Variants in CLASP2 observed in about 807,000 individuals in gnomAD.
CLASP2 encodes the protein cytoplasmic linker associated protein 2.
A neutral mutation model predicts 194.4 loss-of-function variants in CLASP2; 47 were observed. That is an observed-to-expected ratio of 0.24 (90% CI 0.19 to 0.31). The LOEUF (loss-of-function observed/expected upper bound fraction) is 0.31. Among genes scored for constraint, CLASP2 ranks in the 10% least tolerant of loss-of-function variants. The probability of loss-of-function intolerance (pLI) is 1.00; values close to 1 mark genes in which losing one functional copy is unlikely to be tolerated. For synonymous variants in CLASP2, 619 were observed against 633.5 expected (o/e 0.98, Z 0.34); for missense variants, 1,445 against 1,823.6 (o/e 0.79, Z 3.78).
rs776469505 is a variant in CLASP2 at position 33,581,916 on chromosome 3, C to T, written c.2252G>A (p.Arg751His). 1.4e-5 allele frequency: 23 copies of T among 1,612,530 alleles called. No homozygotes were observed. Among genetic ancestry groups the T allele is most frequent in the African/African-American group, 5.3e-5 (4 of 74,904 alleles). ...TTGACTCACACTTGGTCGAGGAATA[C>T]GACTGCTTCGGGCTGGTGTGAAGCA... ...PSRLSVARSS[R>H]IPRPSVSQGC... Residue 751 changes from arginine to histidine, a missense_variant, in exon 23 of 39, where the codon CGT becomes CAT. Coordinates refer to ENST00000682230, the MANE Select transcript of CLASP2 (RefSeq NM_001365631.1).
chr3:33,539,410 C>T (rs2057948129), intron 32 of CLASP2, among the ~76,000 whole-genome samples: 2 of 152,158 alleles, frequency 1.3e-5, no homozygotes, highest in Non-Finnish European at 2.9e-5. Flanking sequence ...TCTCAGCTCA[C>T]TGCAACCTCT....
chr3:33,612,202 A>C (rs1273397126), intron 12 of CLASP2, 131 bp from the exon 13 acceptor site: 1 of 625,168 alleles, frequency 1.6e-6, no homozygotes, highest in East Asian at 2.7e-5. Context: ...GATTTGAAAG[A>C]AATTAAGACC....
At chr3:33,647,694 C>G (rs988972429) in intron 7 of CLASP2, among the ~76,000 whole-genome samples, 1 of 152,174 alleles carries the variant, frequency 6.6e-6, no homozygotes, top group Non-Finnish European at 1.5e-5. Context: ...TGGTTTTGAT[C>G]CGCAAGCAAC....
At chr3:33,636,999 T>C (rs1431013853) in intron 8 of CLASP2, among the ~76,000 whole-genome samples, 1 of 152,184 alleles carries the variant, frequency 6.6e-6, no homozygotes, top group Non-Finnish European at 1.5e-5. Context: ...TTTTAAAAGC[T>C]ATAAAAAATA....
intron 23 of CLASP2, among the ~76,000 whole-genome samples, chr3:33,580,756 C>T (rs2154209321): frequency 6.6e-6 from 1 of 152,174 alleles, no homozygotes; most frequent in South Asian, 2.1e-4. Context: ...TGGCTCACGC[C>T]TGTAAACCCA....
At chr3:33,615,109 A>G (rs1214487851) in intron 12 of CLASP2, among the ~76,000 whole-genome samples, 1 of 152,190 alleles carries the variant, frequency 6.6e-6, no homozygotes, top group Non-Finnish European at 1.5e-5. Flanking sequence ...ATATATATGA[A>G]AAGTGAGAAA....
rs938089501 is a variant in CLASP2 at position 33,573,260 on chromosome 3, T to C, written c.2549A>G (p.Tyr850Cys). The C allele has an allele frequency of 1.4e-5, 23 of 1,613,844 alleles. No homozygotes were observed. Among genetic ancestry groups the C allele is most frequent in the African/African-American group, 6.7e-5 (5 of 74,928 alleles). ...DASSACSERS[Y>C]SSRNGSIPTY... ...AGGAATACTACCATTTCGAGAACTATAGGAGCGTTCTGAACAAGCACTAGA... is the reference window on the plus strand; with the variant it reads ...AGGAATACTACCATTTCGAGAACTACAGGAGCGTTCTGAACAAGCACTAGA... The change falls in exon 25 of 39, where the codon TAT (tyrosine) becomes TGT (cysteine). Residue 850 changes from tyrosine (Y) to cysteine (C), a missense_variant. Transcript: ENST00000682230.
chr3:33,507,260 CTT>C (rs1294993480), intron 37 of CLASP2, among the ~76,000 whole-genome samples: 2 of 152,006 alleles, frequency 1.3e-5, no homozygotes, highest in Non-Finnish European at 2.9e-5. Flanking sequence ...TCTTGAGACT[CTT>C]TAACAGTTGA....
chr3:33,570,328 T>A (rs2063504920), intron 26 of CLASP2, among the ~76,000 whole-genome samples: 1 of 152,202 alleles, frequency 6.6e-6, no homozygotes, highest in African/African-American at 2.4e-5. Context: ...TCTACAAAAT[T>A]ATTATTTCAA....
In CLASP2 at chr3:33,717,716, G is replaced by T. The variant is rs541484363; in HGVS notation, c.195+92C>A. 87 of 1,380,728 alleles carry T rather than the reference G, an allele frequency of 6.3e-5. No homozygotes were observed. The African/African-American group carries it at 8.7e-4, about 14-fold the overall frequency. The allele number at this position is 1,380,728 out of a possible 1,614,324, so 85.5% of individuals were successfully genotyped here. A position where few individuals can be genotyped will look rare whatever the true frequency, so the allele number is the denominator to read the frequency against. ...TGTTTCCCCTCTTAAGCAGTGGTTC[G>T]GACGGGAGCTTTCCCGGCCCGGCGC... is the stretch of plus-strand genomic sequence containing the variant. On this transcript the variant is annotated intron_variant, in intron 1 of 38. Transcript: ENST00000682230.
intron 6 of CLASP2, among the ~76,000 whole-genome samples, chr3:33,672,772 G>A (rs2087611560): frequency 6.6e-6 from 1 of 152,238 alleles, no homozygotes. Context: ...TGAAAGCCCA[G>A]GCTCGAGAAC....
intron 27 of CLASP2, among the ~76,000 whole-genome samples, chr3:33,564,885 G>A (rs1025099647): frequency 6.6e-6 from 1 of 151,848 alleles, no homozygotes; most frequent in Non-Finnish European, 1.5e-5. Flanking sequence ...CCATGTGCCT[G>A]GCCTGTACTA....
At chr3:33,614,394 G>A (rs767027301) in intron 12 of CLASP2, among the ~76,000 whole-genome samples, 62 of 152,248 alleles carry the variant, frequency 4.1e-4, no homozygotes, top group Admixed American at 1.2e-3. Context: ...GAAAAGATCT[G>A]AGCCAATAAG....
intron 31 of CLASP2, 117 bp from the exon 32 acceptor site, chr3:33,543,656 T>C: frequency 1.6e-6 from 1 of 623,524 alleles, no homozygotes; most frequent in East Asian, 2.7e-5. Context: ...TATTTACAGG[T>C]CAATATTTTA....
At chr3:33,548,340 C>T (rs887284563) in intron 30 of CLASP2, among the ~76,000 whole-genome samples, 12 of 151,726 alleles carry the variant, frequency 7.9e-5, no homozygotes, top group Non-Finnish European at 1.2e-4. Context: ...CTCTGTTGCC[C>T]GGGCTGGAGT....
At position 33,603,088 on chromosome 3, in the gene CLASP2, TC is replaced by T; in HGVS notation, c.1787del (p.Gly596GlufsTer12). 6.3e-7 allele frequency: 1 copy of T among 1,590,086 alleles called. No homozygotes were observed. Among genetic ancestry groups the T allele is most frequent in the Non-Finnish European group, 8.6e-7 (1 of 1,166,718 alleles). On this transcript the variant is annotated frameshift_variant, in exon 18 of 39. Transcript: ENST00000682230. LOFTEE classifies it high-confidence loss of function. Reference sequence around the variant, plus strand: ...TGTCACTTCGTGAACGCTGCAGGCTTCCTGGAAGGGAACTGGCTTTGCTGCT... The same window carrying T: ...TGTCACTTCGTGAACGCTGCAGGCTTCTGGAAGGGAACTGGCTTTGCTGCT... Reference protein sequence around the residue: ...AGSSKASSLPGSLQRSRSDID... With the variant: ...AGSSKASSLPXSLQRSRSDID...
intron 7 of CLASP2, among the ~76,000 whole-genome samples, chr3:33,646,583 C>CA (rs2082319875): frequency 6.6e-6 from 1 of 151,882 alleles, no homozygotes; most frequent in Non-Finnish European, 1.5e-5. Flanking sequence ...CACTAAAACA[C>CA]AGAGCAGCCA....
At chr3:33,635,285 T>C (rs2079926778) in intron 8 of CLASP2, among the ~76,000 whole-genome samples, 1 of 151,536 alleles carries the variant, frequency 6.6e-6, no homozygotes, top group Non-Finnish European at 1.5e-5. Flanking sequence ...AAAAAAAAAT[T>C]ACAAATGAAA....
In CLASP2 at chr3:33,718,190, T is replaced by C. The variant is rs2093381369; in HGVS notation, c.-188A>G. 4.8e-6 allele frequency: 2 copies of C among 412,850 alleles called. No homozygotes were observed. Among genetic ancestry groups the C allele is most frequent in the South Asian group, 1.1e-4 (2 of 17,492 alleles). The allele number at this position is 412,850 out of a possible 1,614,324, so 25.6% of individuals were successfully genotyped here. ...CCAGCCGCCCCCAAACTAGTCAAAC[T>C]CGGCGCCCCCCGATCCCCAGCCCGC... On this transcript the variant is annotated 5_prime_UTR_variant, in exon 1 of 39. Coordinates refer to ENST00000682230, the MANE Select transcript of CLASP2 (RefSeq NM_001365631.1).
Sources: allele counts gnomAD v4.1 joint callset (sites outside exome capture counted in the v4.1 genomes callset), GRCh38; gene constraint gnomAD v4.1.1; transcripts MANE v1.5; gene names NCBI Gene and HGNC (gene_info 2026-07-23, HGNC 2026-07-21).